SHISA6: variants seen among roughly 807,000 people sequenced by gnomAD.
The protein encoded by SHISA6 is protein shisa-6.
SHISA6 carries 22 observed loss-of-function variants against 47.9 expected under a neutral mutation model. The observed-to-expected ratio is 0.46, with a 90% CI of 0.33 to 0.66. The LOEUF is 0.66. Ranked by LOEUF, SHISA6 falls within the 30% of genes least tolerant of loss-of-function variation. The probability of loss-of-function intolerance (pLI) is 0.02; values close to 1 mark genes in which losing one functional copy is unlikely to be tolerated. For missense variants in SHISA6, 680 were observed against 764.6 expected (o/e 0.89, Z 1.30); for synonymous variants, 388 against 337.8 (o/e 1.15, Z -1.63).
At chr17:11,298,173 G>A (rs887519465) in intron 2 of SHISA6, among the ~76,000 whole-genome samples, 1 of 152,216 alleles carries the variant, frequency 6.6e-6, no homozygotes, top group African/African-American at 2.4e-5. Flanking sequence ...AGATCCCACA[G>A]CTAGTAAGTG....
intron 3 of SHISA6, among the ~76,000 whole-genome samples, chr17:11,518,328 T>C (rs1397879381): frequency 6.6e-6 from 1 of 152,190 alleles, no homozygotes; most frequent in Non-Finnish European, 1.5e-5. Flanking sequence ...TTTACTATAA[T>C]TGATAGAGGT....
At chr17:11,331,811 TTC>T (rs1332225027) in intron 2 of SHISA6, among the ~76,000 whole-genome samples, 8 of 152,024 alleles carry the variant, frequency 5.3e-5, no homozygotes, top group Non-Finnish European at 1.2e-4. Context: ...TTCCAGCTGC[TTC>T]TTTCATACAC....
intron 3 of SHISA6, among the ~76,000 whole-genome samples, chr17:11,393,358 G>T (rs1913454531): frequency 6.6e-6 from 1 of 152,090 alleles, no homozygotes; most frequent in South Asian, 2.1e-4. Context: ...TCTTAGCCAG[G>T]ATCCTAGTCT....
chr17:11,496,273 T>C (rs1429264847), intron 3 of SHISA6, among the ~76,000 whole-genome samples: 1 of 152,218 alleles, frequency 6.6e-6, no homozygotes, highest in East Asian at 1.9e-4. Context: ...CTCCCAAAAC[T>C]TCTTTAACAC....
chr17:11,480,016 GTCTT>G (rs1183644652), intron 3 of SHISA6, among the ~76,000 whole-genome samples: 1 of 152,086 alleles, frequency 6.6e-6, no homozygotes, highest in Non-Finnish European at 1.5e-5. Context: ...GTCCAAGAAA[GTCTT>G]TATTTCTCCT....
intron 2 of SHISA6, among the ~76,000 whole-genome samples, chr17:11,349,311 C>T (rs1236905253): frequency 6.6e-6 from 1 of 152,120 alleles, no homozygotes; most frequent in African/African-American, 2.4e-5. Flanking sequence ...TCACATTGGG[C>T]CAGAAAGAAA....
At chr17:11,345,659 A>G (rs1421606957) in intron 2 of SHISA6, among the ~76,000 whole-genome samples, 1 of 152,068 alleles carries the variant, frequency 6.6e-6, no homozygotes, top group Non-Finnish European at 1.5e-5. Context: ...TGCAATGTTT[A>G]TAGTTTTCAG....
At chr17:11,391,564 C>G (rs140771289) in intron 3 of SHISA6, among the ~76,000 whole-genome samples, 1 of 152,106 alleles carries the variant, frequency 6.6e-6, no homozygotes, top group Non-Finnish European at 1.5e-5. Context: ...ACTCCCCTCA[C>G]CTCTACTCTT....
intron 3 of SHISA6, among the ~76,000 whole-genome samples, chr17:11,536,800 T>C (rs955883236): frequency 4.6e-5 from 7 of 152,126 alleles, no homozygotes; most frequent in Admixed American, 3.3e-4. Context: ...ATGGGTATGA[T>C]TTAAATAGCT....
chr17:11,339,540 G>C (rs1249221769), intron 2 of SHISA6, among the ~76,000 whole-genome samples: 1 of 152,186 alleles, frequency 6.6e-6, no homozygotes, highest in East Asian at 1.9e-4. Context: ...AAATTAGCAG[G>C]ACTCTAGATG....
At chr17:11,479,640 AAAG>A (rs889680452) in intron 3 of SHISA6, among the ~76,000 whole-genome samples, 33 of 152,086 alleles carry the variant, frequency 2.2e-4, no homozygotes, top group African/African-American at 8.0e-4. Flanking sequence ...AAAAGAAAAA[AAAG>A]AAGAAAAAAT....
intron 2 of SHISA6, among the ~76,000 whole-genome samples, chr17:11,345,282 C>A (rs1370273517): frequency 1.3e-5 from 2 of 151,050 alleles, no homozygotes; most frequent in Non-Finnish European, 3.0e-5. Context: ...CTCAACATAA[C>A]AATTTCCTTT....
intron 3 of SHISA6, among the ~76,000 whole-genome samples, chr17:11,508,719 T>C (rs2071520398): frequency 7.2e-6 from 1 of 138,654 alleles, no homozygotes; most frequent in African/African-American, 2.7e-5. Flanking sequence ...ATTTTGTGGC[T>C]TCCTTTTATT....
At chr17:11,471,036 C>T (rs970236418) in intron 3 of SHISA6, among the ~76,000 whole-genome samples, 2 of 151,974 alleles carry the variant, frequency 1.3e-5, no homozygotes, top group African/African-American at 4.8e-5. Flanking sequence ...ATGGCAAAAC[C>T]CTGTCTCTAC....
At chr17:11,338,936 A>T (rs1205643573) in intron 2 of SHISA6, among the ~76,000 whole-genome samples, 2 of 152,204 alleles carry the variant, frequency 1.3e-5, no homozygotes, top group African/African-American at 4.8e-5. Context: ...TAATTAAATT[A>T]TGTGCATAAA....
At chr17:11,525,659 A>AAAAAAAC (rs2071672270) in intron 3 of SHISA6, among the ~76,000 whole-genome samples, 13 of 148,854 alleles carry the variant, frequency 8.7e-5, no homozygotes, top group African/African-American at 3.3e-4. Context: ...AAACAAAAAA[A>AAAAAAAC]AAAAAACGTG....
In SHISA6 at chr17:11,531,503, G is replaced by A. The variant is rs145682400; in HGVS notation, c.896-20393G>A. On this transcript the variant is annotated intron_variant, in intron 3 of 5. Coordinates refer to ENST00000441885, the MANE Select transcript of SHISA6 (RefSeq NM_207386.4). ...GTTGGTCTGTCTGGTTCATCATTAC[G>A]CACAGCCAGTACCCACAGCTGTGTG... 4.6e-5 allele frequency among the ~76,000 whole-genome samples: 7 copies of A among 152,068 alleles called. No individual in the cohort carries two copies. In the East Asian group the frequency reaches 9.7e-4, roughly 21 times the overall value.
At chr17:11,481,790 C>A (rs1254413474) in intron 3 of SHISA6, among the ~76,000 whole-genome samples, 2 of 151,838 alleles carry the variant, frequency 1.3e-5, no homozygotes, top group Non-Finnish European at 2.9e-5. Flanking sequence ...CACGCCTGGC[C>A]CCTGAAGATA....
intron 3 of SHISA6, among the ~76,000 whole-genome samples, chr17:11,434,273 G>A (rs545091792): frequency 1.3e-5 from 2 of 151,968 alleles, no homozygotes; most frequent in South Asian, 4.2e-4. Flanking sequence ...TATGTTGGCC[G>A]AGACTGGTCT....
Sources: allele counts gnomAD v4.1 joint callset (sites outside exome capture counted in the v4.1 genomes callset), GRCh38; gene constraint gnomAD v4.1.1; transcripts MANE v1.5; gene names NCBI Gene and HGNC (gene_info 2026-07-23, HGNC 2026-07-21).